EXOC6B: variants seen among roughly 807,000 people sequenced by gnomAD.
EXOC6B encodes exocyst complex component 6B.
Under a neutral mutation model 113.5 loss-of-function variants are expected in EXOC6B, and 54 were observed. The ratio of observed to expected loss-of-function variants is 0.48; its 90% CI spans 0.38 to 0.60. The LOEUF (loss-of-function observed/expected upper bound fraction) is 0.60. Among genes scored for constraint, EXOC6B ranks in the 20% least tolerant of loss-of-function variants. EXOC6B has a pLI of 0.00. For synonymous variants in EXOC6B, 357 were observed against 339.0 expected (o/e 1.05, Z -0.58); for missense variants, 797 against 977.5 (o/e 0.82, Z 2.46).
At chr2:72,325,488 G>A (rs1011125039) in intron 20 of EXOC6B, among the ~76,000 whole-genome samples, 1 of 151,764 alleles carries the variant, frequency 6.6e-6, no homozygotes, top group African/African-American at 2.4e-5. Context: ...TTTCATTCAA[G>A]CCTGGTGTTT....
intron 11 of EXOC6B, among the ~76,000 whole-genome samples, chr2:72,506,404 A>C (rs1046417327): frequency 7.9e-5 from 12 of 151,880 alleles, no homozygotes; most frequent in Non-Finnish European, 1.8e-4. Context: ...AGCAGATTAG[A>C]CTCTCCATCT....
At chr2:72,256,504 G>C (rs1243290478) in intron 20 of EXOC6B, among the ~76,000 whole-genome samples, 2 of 152,212 alleles carry the variant, frequency 1.3e-5, no homozygotes, top group Non-Finnish European at 2.9e-5. Flanking sequence ...TAGGGTTCTA[G>C]CTCTGGCTTT....
intron 1 of EXOC6B, among the ~76,000 whole-genome samples, chr2:72,769,832 T>C (rs1420151788): frequency 6.6e-6 from 1 of 151,470 alleles, no homozygotes; most frequent in Non-Finnish European, 1.5e-5. Context: ...TAAAATAAAA[T>C]AGAAAGAAGA....
chr2:72,420,481 C>T (rs1471377872), intron 18 of EXOC6B, among the ~76,000 whole-genome samples: 2 of 152,026 alleles, frequency 1.3e-5, no homozygotes, highest in African/African-American at 2.4e-5. Flanking sequence ...AGTGAGAACA[C>T]GTGGTGTTTG....
At chr2:72,546,946 T>C (rs560316769) in intron 8 of EXOC6B, among the ~76,000 whole-genome samples, 1 of 152,352 alleles carries the variant, frequency 6.6e-6, no homozygotes, top group Admixed American at 6.5e-5. Flanking sequence ...AATAGATACC[T>C]GAAACCTAAC....
intron 7 of EXOC6B, among the ~76,000 whole-genome samples, chr2:72,571,506 T>C (rs925800838): frequency 6.6e-6 from 1 of 152,104 alleles, no homozygotes; most frequent in Non-Finnish European, 1.5e-5. Flanking sequence ...AAAAACCTCA[T>C]CTTGTGACTC....
At chr2:72,530,731 C>T (rs1701960062) in intron 8 of EXOC6B, among the ~76,000 whole-genome samples, 1 of 151,972 alleles carries the variant, frequency 6.6e-6, no homozygotes, top group African/African-American at 2.4e-5. Context: ...TTAGTTTTTA[C>T]TTCACATATT....
chr2:72,454,988 G>A (rs1326461337), intron 18 of EXOC6B, among the ~76,000 whole-genome samples: 1 of 151,514 alleles, frequency 6.6e-6, no homozygotes, highest in African/African-American at 2.4e-5. Flanking sequence ...ATGGAAACAG[G>A]AAACATAAAT....
At chr2:72,771,017 T>TA (rs1484279938) in intron 1 of EXOC6B, among the ~76,000 whole-genome samples, 12 of 152,178 alleles carry the variant, frequency 7.9e-5, no homozygotes, top group Non-Finnish European at 1.5e-4. Flanking sequence ...ATTTCCAACT[T>TA]ACTACACTTG....
chr2:72,622,436 G>A (rs1671804125), intron 6 of EXOC6B, among the ~76,000 whole-genome samples: 1 of 152,184 alleles, frequency 6.6e-6, no homozygotes, highest in Admixed American at 6.5e-5. Flanking sequence ...TATCCAGGCT[G>A]GGCACGGTGG....
intron 6 of EXOC6B, among the ~76,000 whole-genome samples, chr2:72,673,370 G>A (rs563599198): frequency 1.8e-4 from 27 of 152,270 alleles, no homozygotes; most frequent in African/African-American, 5.5e-4. Context: ...CTGCCCAGCC[G>A]TTCCCAACAC....
chr2:72,589,099 G>A (rs1359583025), intron 6 of EXOC6B, among the ~76,000 whole-genome samples: 1 of 150,936 alleles, frequency 6.6e-6, no homozygotes, highest in Non-Finnish European at 1.5e-5. Context: ...TTCTAAATGC[G>A]ACTATTTGTG....
intron 6 of EXOC6B, among the ~76,000 whole-genome samples, chr2:72,637,908 G>C (rs914771727): frequency 2.0e-5 from 3 of 151,218 alleles, no homozygotes; most frequent in African/African-American, 7.3e-5. Flanking sequence ...TATCAAAAAA[G>C]CAGGAAAACT....
At chr2:72,578,604 C>T (rs1463726676) in intron 6 of EXOC6B, among the ~76,000 whole-genome samples, 1 of 152,056 alleles carries the variant, frequency 6.6e-6, no homozygotes, top group Non-Finnish European at 1.5e-5. Context: ...TTCAGTCAAA[C>T]ACGTGTTAAA....
chr2:72,623,073 G>T (rs1387203408), intron 6 of EXOC6B, among the ~76,000 whole-genome samples: 1 of 151,894 alleles, frequency 6.6e-6, no homozygotes, highest in Non-Finnish European at 1.5e-5. Context: ...TGGTCAAATG[G>T]GTATGTTCAC....
intron 6 of EXOC6B, among the ~76,000 whole-genome samples, chr2:72,710,608 C>A (rs904759872): frequency 5.3e-5 from 8 of 152,170 alleles, no homozygotes; most frequent in African/African-American, 1.9e-4. Flanking sequence ...GCATGTTTTG[C>A]ATAATATCTA....
chr2:72,620,216 C>A (rs72916236), intron 6 of EXOC6B, among the ~76,000 whole-genome samples: 4,812 of 152,292 alleles, frequency 0.032, 251 homozygotes, highest in African/African-American at 0.11. Flanking sequence ...TTCCCAGTGA[C>A]CCAGGAGCCA....
intron 6 of EXOC6B, among the ~76,000 whole-genome samples, chr2:72,667,175 T>G (rs1452361300): frequency 6.6e-6 from 1 of 152,114 alleles, no homozygotes; most frequent in Non-Finnish European, 1.5e-5. Flanking sequence ...GCAGAAAGAT[T>G]TCTATAGAGA....
chr2:72,592,822 T>C (rs967309687), intron 6 of EXOC6B, among the ~76,000 whole-genome samples: 2 of 152,094 alleles, frequency 1.3e-5, no homozygotes, highest in Admixed American at 1.3e-4. Flanking sequence ...AATTTCTGAG[T>C]GTAAGAGGAG....
Sources: gnomAD v4.1 joint callset for allele counts (sites outside exome capture counted in the v4.1 genomes callset) on GRCh38, gnomAD v4.1.1 for gene constraint, MANE v1.5 for transcripts, NCBI Gene and HGNC (gene_info 2026-07-23, HGNC 2026-07-21) for gene names.